NRXN1: variants seen among roughly 807,000 people sequenced by gnomAD.
The protein encoded by NRXN1 is neurexin 1.
Under a neutral mutation model 150.9 loss-of-function variants are expected in NRXN1, and 39 were observed. The observed-to-expected ratio is 0.26, with a 90% CI of 0.20 to 0.34. The LOEUF is 0.34. Among genes scored for constraint, NRXN1 ranks in the 10% least tolerant of loss-of-function variants. NRXN1 has a pLI of 1.00. For synonymous variants in NRXN1, 924 were observed against 757.0 expected (o/e 1.22, Z -3.62); for missense variants, 1,815 against 1,949.9 (o/e 0.93, Z 1.30).
chr2:50,666,020 A>G (rs1174048742), intron 5 of NRXN1, among the ~76,000 whole-genome samples: 2 of 151,896 alleles, frequency 1.3e-5, no homozygotes, highest in Non-Finnish European at 1.5e-5. Flanking sequence ...ATCACCCCAT[A>G]CATTTTTCGA....
At chr2:50,663,024 G>A (rs1426616230) in intron 5 of NRXN1, among the ~76,000 whole-genome samples, 1 of 151,998 alleles carries the variant, frequency 6.6e-6, no homozygotes, top group Non-Finnish European at 1.5e-5. Flanking sequence ...AGGATGCATG[G>A]AGCACTATTT....
At chr2:50,562,329 C>CGATAGATA (rs70948719) in intron 8 of NRXN1, among the ~76,000 whole-genome samples, 14,215 of 149,924 alleles carry the variant, frequency 0.095, 1,018 homozygotes, top group African/African-American at 0.19. Flanking sequence ...GATAGATATA[C>CGATAGATA]GATAGATAGA....
At chr2:50,232,134 T>C (rs1245714719) in intron 18 of NRXN1, among the ~76,000 whole-genome samples, 1 of 151,986 alleles carries the variant, frequency 6.6e-6, no homozygotes, top group Non-Finnish European at 1.5e-5. Flanking sequence ...TACCAGTCAT[T>C]TGGGGACAAA....
At chr2:49,979,086 C>T (rs950242977) in intron 21 of NRXN1, among the ~76,000 whole-genome samples, 1 of 152,142 alleles carries the variant, frequency 6.6e-6, no homozygotes, top group Non-Finnish European at 1.5e-5. Flanking sequence ...ATCACAAGAT[C>T]AGGAGTTCGA....
At chr2:49,971,164 G>A (rs970901885) in intron 21 of NRXN1, among the ~76,000 whole-genome samples, 1 of 152,080 alleles carries the variant, frequency 6.6e-6, no homozygotes, top group African/African-American at 2.4e-5. Context: ...ACTAAAAAGT[G>A]TCAGCTAAGA....
intron 5 of NRXN1, among the ~76,000 whole-genome samples, chr2:50,716,494 T>C (rs1453954635): frequency 6.6e-6 from 1 of 151,976 alleles, no homozygotes; most frequent in Non-Finnish European, 1.5e-5. Flanking sequence ...AAAAGATAAT[T>C]ACAGTCCACA....
chr2:50,299,417 T>G (rs982833907), intron 17 of NRXN1, among the ~76,000 whole-genome samples: 2 of 138,214 alleles, frequency 1.4e-5, no homozygotes, highest in Non-Finnish European at 3.2e-5. Context: ...CCAATTTTTT[T>G]TTTTTTTTAA....
intron 18 of NRXN1, among the ~76,000 whole-genome samples, chr2:50,134,273 G>GAAAAAAAAAAA (rs59985780): frequency 1.0e-5 from 1 of 96,466 alleles, no homozygotes; most frequent in African/African-American, 3.5e-5. Context: ...AAAGTAACCA[G>GAAAAAAAAAAA]AAAAAAAAAA....
intron 18 of NRXN1, among the ~76,000 whole-genome samples, chr2:50,232,269 T>C (rs1221057070): frequency 6.6e-6 from 1 of 152,050 alleles, no homozygotes; most frequent in Non-Finnish European, 1.5e-5. Context: ...CCACAGAGCC[T>C]AACATAGGCC....
At chr2:50,381,861 G>C (rs1282535528) in intron 17 of NRXN1, among the ~76,000 whole-genome samples, 2 of 152,124 alleles carry the variant, frequency 1.3e-5, no homozygotes, top group Non-Finnish European at 2.9e-5. Context: ...TTTGCCAGGA[G>C]TAGTTTCAGA....
At chr2:50,306,966 T>A (rs1045998570) in intron 17 of NRXN1, among the ~76,000 whole-genome samples, 2 of 152,056 alleles carry the variant, frequency 1.3e-5, no homozygotes, top group African/African-American at 4.8e-5. Flanking sequence ...TGCCCTAATA[T>A]GAGCATTTTT....
intron 2 of NRXN1, among the ~76,000 whole-genome samples, chr2:50,971,193 T>C (rs895749384): frequency 3.3e-5 from 5 of 152,278 alleles, no homozygotes; most frequent in South Asian, 4.1e-4. Context: ...AATTAGTGCA[T>C]AGTAGACAGC....
At chr2:50,141,486 T>C (rs887858988) in intron 18 of NRXN1, among the ~76,000 whole-genome samples, 10 of 151,880 alleles carry the variant, frequency 6.6e-5, no homozygotes, top group African/African-American at 2.4e-4. Flanking sequence ...AAAGCTTCTG[T>C]ATACCAAAGG....
chr2:50,632,702 A>C (rs1281186155), intron 5 of NRXN1: 1 of 152,092 alleles, frequency 6.6e-6, no homozygotes, highest in East Asian at 1.9e-4. Flanking sequence ...CTTGTATCTG[A>C]AATAAGTATT....
intron 17 of NRXN1, among the ~76,000 whole-genome samples, chr2:50,289,517 T>G (rs903292306): frequency 6.6e-6 from 1 of 152,172 alleles, no homozygotes; most frequent in Admixed American, 6.6e-5. Flanking sequence ...GGTACCTTAA[T>G]AGAAACCAGA....
intron 18 of NRXN1, among the ~76,000 whole-genome samples, chr2:50,115,277 T>G (rs939895767): frequency 5.4e-5 from 8 of 149,092 alleles, no homozygotes; most frequent in African/African-American, 2.0e-4. Context: ...ACATATTTTA[T>G]ATACCAAAGA....
At position 50,347,677 on chromosome 2, in the gene NRXN1, G is replaced by A. The variant is rs1012989090; in HGVS notation, c.3365-110707C>T. ...TTCTGAAGGAAGTGGGAATCGAACG[G>A]CGGAAAGGCAGCTGAGAAGAAGATG... is the stretch of plus-strand genomic sequence containing the variant. On this transcript the variant is annotated intron_variant, in intron 17 of 22. Transcript: ENST00000401669. This position sits in a 1 kb window ranked among gnomAD's most constrained non-coding sequence, Gnocchi z 4.9. 1.0e-6 allele frequency: 1 copy of A among 986,884 alleles called. No homozygotes were observed. Among genetic ancestry groups the A allele is most frequent in the African/African-American group, 1.7e-5 (1 of 57,256 alleles). 61.1% of individuals were successfully genotyped at this position (986,884 alleles called of 1,614,324 possible).
chr2:50,663,961 G>A (rs1172756632), intron 5 of NRXN1, among the ~76,000 whole-genome samples: 1 of 151,876 alleles, frequency 6.6e-6, no homozygotes, highest in Non-Finnish European at 1.5e-5. Context: ...GAATCTCAAT[G>A]GCACCATCTC....
At position 50,507,374 on chromosome 2, in the gene NRXN1, GAA is replaced by G. The variant is rs761905648; in HGVS notation, c.2375-759_2375-758del. Among the ~76,000 whole-genome samples, 734 of 132,964 alleles carry G rather than the reference GAA, an allele frequency of 5.5e-3. 8 individuals carry two copies. The highest frequency in any genetic ancestry group is 0.019 in the African/African-American group (693 of 36,580). The allele number at this position is 132,964 out of a possible 152,430, so 87.2% of individuals were successfully genotyped here. ...AGTAAGTGGACCGAAGAAAAGGAAA[GAA>G]AAAAAAAAAATAGGCACAGCCAATA... On this transcript the variant is annotated intron_variant, in intron 12 of 22. Coordinates refer to ENST00000401669, the MANE Select transcript of NRXN1 (RefSeq NM_001330078.2).
Sources: gnomAD v4.1 joint callset for allele counts (sites outside exome capture counted in the v4.1 genomes callset) on GRCh38, gnomAD v4.1.1 for gene constraint, Gnocchi (gnomAD v3.1) non-coding constraint, MANE v1.5 for transcripts, NCBI Gene and HGNC (gene_info 2026-07-23, HGNC 2026-07-21) for gene names.